RSRC1: variants seen among roughly 807,000 people sequenced by gnomAD.
RSRC1 encodes the protein arginine and serine rich coiled-coil 1.
A neutral mutation model predicts 49.1 loss-of-function variants in RSRC1; 39 were observed. The ratio of observed to expected loss-of-function variants is 0.79; its 90% CI spans 0.61 to 1.04. The LOEUF is 1.04. Among genes scored for constraint, RSRC1 ranks in the 50% least tolerant of loss-of-function variants. The pLI, the probability that RSRC1 is intolerant of heterozygous loss-of-function variation, is 0.00. For synonymous variants in RSRC1, 143 were observed against 130.8 expected (o/e 1.09, Z -0.63); for missense variants, 388 against 402.4 (o/e 0.96, Z 0.31).
At chr3:158,118,048 C>T (rs1028997766) in intron 1 of RSRC1, among the ~76,000 whole-genome samples, 3 of 152,042 alleles carry the variant, frequency 2.0e-5, no homozygotes, top group Non-Finnish European at 4.4e-5. Context: ...CACTTGGGCT[C>T]CGGTGATCCT....
intron 3 of RSRC1, among the ~76,000 whole-genome samples, chr3:158,156,977 A>G (rs1717916805): frequency 6.6e-6 from 1 of 152,260 alleles, no homozygotes; most frequent in South Asian, 2.1e-4. Context: ...AGTTGCCACA[A>G]ACCTTCAATT....
intron 7 of RSRC1, among the ~76,000 whole-genome samples, chr3:158,500,548 T>C (rs1739545324): frequency 6.6e-6 from 1 of 152,156 alleles, no homozygotes. Context: ...TGCTCATTAT[T>C]GGTCTGTTCA....
intron 7 of RSRC1, among the ~76,000 whole-genome samples, chr3:158,463,092 A>C (rs1324393286): frequency 6.6e-6 from 1 of 152,066 alleles, no homozygotes; most frequent in African/African-American, 2.4e-5. Context: ...TAAGTAGCTT[A>C]TTTTGAGCTT....
chr3:158,503,077 T>C (rs896628288), intron 7 of RSRC1, among the ~76,000 whole-genome samples: 1 of 152,020 alleles, frequency 6.6e-6, no homozygotes, highest in East Asian at 1.9e-4. Flanking sequence ...TTCCATGGGG[T>C]GTTCCTAGAT....
At chr3:158,327,990 C>T (rs969664312) in intron 5 of RSRC1, among the ~76,000 whole-genome samples, 4 of 152,126 alleles carry the variant, frequency 2.6e-5, no homozygotes, top group African/African-American at 9.7e-5. Flanking sequence ...TATGTAATGG[C>T]CTTCTTTGTC....
At chr3:158,483,578 GCTTA>G (rs1738701692) in intron 7 of RSRC1, among the ~76,000 whole-genome samples, 1 of 151,926 alleles carries the variant, frequency 6.6e-6, no homozygotes, top group Non-Finnish European at 1.5e-5. Flanking sequence ...AAATATTGAT[GCTTA>G]CTTGAAAACT....
intron 5 of RSRC1, among the ~76,000 whole-genome samples, chr3:158,305,711 G>T (rs999512938): frequency 2.0e-5 from 3 of 151,976 alleles, no homozygotes; most frequent in African/African-American, 4.8e-5. Flanking sequence ...CTTTAATCAC[G>T]CTTATTACCA....
intron 6 of RSRC1, among the ~76,000 whole-genome samples, chr3:158,414,998 T>G (rs1295072153): frequency 1.3e-5 from 2 of 152,150 alleles, no homozygotes; most frequent in Admixed American, 1.3e-4. Flanking sequence ...CAGGTTTAAC[T>G]CTTCGAGGAC....
chr3:158,490,890 G>A (rs969465496), intron 7 of RSRC1, among the ~76,000 whole-genome samples: 2 of 152,168 alleles, frequency 1.3e-5, no homozygotes, highest in African/African-American at 4.8e-5. Flanking sequence ...AACTTAAAAG[G>A]ACAAAGATTA....
chr3:158,316,637 G>A (rs146587903), intron 5 of RSRC1, among the ~76,000 whole-genome samples: 18,194 of 151,510 alleles, frequency 0.12, 1,319 homozygotes, highest in Middle Eastern at 0.2. Context: ...GTAGAGACGG[G>A]GTTTCACTGT....
intron 6 of RSRC1, among the ~76,000 whole-genome samples, chr3:158,360,275 G>A (rs1402099760): frequency 6.6e-6 from 1 of 152,152 alleles, no homozygotes; most frequent in Non-Finnish European, 1.5e-5. Context: ...CCTCTGTTCT[G>A]CTTTGGCTGA....
chr3:158,532,893 C>A (rs1712483938), intron 7 of RSRC1, among the ~76,000 whole-genome samples: 1 of 151,660 alleles, frequency 6.6e-6, no homozygotes, highest in South Asian at 2.1e-4. Context: ...ATACAAGATA[C>A]TGTGTGTGTT....
intron 7 of RSRC1, among the ~76,000 whole-genome samples, chr3:158,527,714 G>A (rs997006368): frequency 6.6e-6 from 1 of 151,874 alleles, no homozygotes; most frequent in African/African-American, 2.4e-5. Flanking sequence ...ACATGAGACA[G>A]TAAACCTGGG....
chr3:158,477,016 A>C (rs1417096669), intron 7 of RSRC1, among the ~76,000 whole-genome samples: 1 of 152,154 alleles, frequency 6.6e-6, no homozygotes, highest in Non-Finnish European at 1.5e-5. Context: ...CAGTGGAGGA[A>C]GTAACAGCCT....
intron 7 of RSRC1, among the ~76,000 whole-genome samples, chr3:158,472,574 T>C (rs1345357795): frequency 2.6e-5 from 4 of 152,214 alleles, no homozygotes; most frequent in South Asian, 4.1e-4. Context: ...TTTTCTACTA[T>C]GTTTTTTCCT....
intron 4 of RSRC1, among the ~76,000 whole-genome samples, chr3:158,227,479 T>C (rs1317218258): frequency 1.3e-5 from 2 of 151,954 alleles, no homozygotes; most frequent in Non-Finnish European, 2.9e-5. Context: ...ATTTTTGTTA[T>C]TGACTATATA....
At chr3:158,502,857 A>C (rs1472523032) in intron 7 of RSRC1, among the ~76,000 whole-genome samples, 1 of 152,150 alleles carries the variant, frequency 6.6e-6, no homozygotes, top group Non-Finnish European at 1.5e-5. Context: ...AATTCTTGTT[A>C]AGGTAAAAAT....
chr3:158,293,278 A>G (rs916093316), intron 4 of RSRC1, among the ~76,000 whole-genome samples: 1 of 152,052 alleles, frequency 6.6e-6, no homozygotes, highest in Non-Finnish European at 1.5e-5. Flanking sequence ...TTCATAATAT[A>G]TACATACATA....
intron 4 of RSRC1, among the ~76,000 whole-genome samples, chr3:158,240,961 TATTATA>T (rs1381717253): frequency 6.6e-6 from 1 of 152,166 alleles, no homozygotes; most frequent in Non-Finnish European, 1.5e-5. Flanking sequence ...TACAGCATAT[TATTATA>T]ATTGTTCTAT....
Sources: gnomAD v4.1 joint callset for allele counts (sites outside exome capture counted in the v4.1 genomes callset) on GRCh38, gnomAD v4.1.1 for gene constraint, MANE v1.5 for transcripts, NCBI Gene and HGNC (gene_info 2026-07-23, HGNC 2026-07-21) for gene names.